The following SPRED1 variants were observed in gnomAD, a reference collection of about 807,000 sequenced individuals.
SPRED1 encodes sprouty-related, EVH1 domain-containing protein 1.
SPRED1 carries 18 observed loss-of-function variants against 52.3 expected under a neutral mutation model. That is an observed-to-expected ratio of 0.34 (90% CI 0.24 to 0.51). The LOEUF (loss-of-function observed/expected upper bound fraction) is 0.51. SPRED1 is among the 20% of genes least tolerant of loss of function. SPRED1 has a pLI of 0.97. For missense variants in SPRED1, 485 were observed against 551.0 expected (o/e 0.88, Z 1.20); for synonymous variants, 155 against 179.7 (o/e 0.86, Z 1.10).
chr15:38,342,151 C>T (rs1896044979), intron 5 of SPRED1, among the ~76,000 whole-genome samples: 2 of 149,630 alleles, frequency 1.3e-5, no homozygotes, highest in South Asian at 4.2e-4. Context: ...GCCCCATTTG[C>T]TGTGTTTTTT....
chr15:38,350,973 A>G (rs2141015938), intron 6 of SPRED1, 41 bp from the exon 7 acceptor site: 5 of 1,587,176 alleles, frequency 3.2e-6, no homozygotes, highest in Middle Eastern at 1.7e-4. Context: ...AAAATTAACC[A>G]TCATAGCCCT....
At chr15:38,254,758 TA>T in intron 1 of SPRED1, among the ~76,000 whole-genome samples, 1 of 152,324 alleles carries the variant, frequency 6.6e-6, no homozygotes, top group East Asian at 1.9e-4. Context: ...CCTCCATTCA[TA>T]AAATACCTGG....
chr15:38,284,813 C>A, intron 1 of SPRED1, among the ~76,000 whole-genome samples: 1 of 150,596 alleles, frequency 6.6e-6, no homozygotes, highest in East Asian at 1.9e-4. Flanking sequence ...GGGCTCCACT[C>A]CTGTGGTTTT....
intron 1 of SPRED1, among the ~76,000 whole-genome samples, chr15:38,294,901 C>T (rs934313287): frequency 6.6e-6 from 1 of 152,180 alleles, no homozygotes; most frequent in Non-Finnish European, 1.5e-5. Context: ...CATTTGATTA[C>T]AATTTTGGGG....
At chr15:38,258,276 T>TAC (rs1278609372) in intron 1 of SPRED1, among the ~76,000 whole-genome samples, 8 of 152,220 alleles carry the variant, frequency 5.3e-5, no homozygotes, top group African/African-American at 9.6e-5. Context: ...TTTATATATA[T>TAC]ACATGTGTTT....
intron 2 of SPRED1, among the ~76,000 whole-genome samples, chr15:38,316,685 A>G (rs1276318427): frequency 6.7e-6 from 1 of 149,368 alleles, no homozygotes; most frequent in African/African-American, 2.5e-5. Context: ...TGCAATCAGT[A>G]TAAACATTTA....
intron 1 of SPRED1, among the ~76,000 whole-genome samples, chr15:38,286,810 GT>G (rs1156981315): frequency 6.6e-6 from 1 of 152,042 alleles, no homozygotes; most frequent in Non-Finnish European, 1.5e-5. Context: ...TTGATTGCCA[GT>G]TTAGTCCCCT....
At chr15:38,279,216 A>C (rs1464185493) in intron 1 of SPRED1, among the ~76,000 whole-genome samples, 2 of 152,196 alleles carry the variant, frequency 1.3e-5, no homozygotes, top group African/African-American at 2.4e-5. Context: ...ACTATGGTAC[A>C]CCCACGATAT....
At position 38,343,492 on chromosome 15, in the gene SPRED1, G is replaced by A. The variant is rs1357037339; in HGVS notation, c.582+3597G>A. On this transcript the variant is annotated intron_variant, in intron 5 of 6. Coordinates refer to ENST00000299084, the MANE Select transcript of SPRED1 (RefSeq NM_152594.3). ...AAGGTGGAAGTGAAGTTTAGGTAGA[G>A]TTACAGATTTGCTATTGAGACAGAA... Among the ~76,000 whole-genome samples, 3 of 152,144 alleles carry A rather than the reference G, an allele frequency of 2.0e-5. No individual in the cohort carries two copies. The East Asian group carries it at 5.8e-4, about 29-fold the overall frequency.
chr15:38,262,122 T>A (rs1894218002), intron 1 of SPRED1, among the ~76,000 whole-genome samples: 1 of 152,104 alleles, frequency 6.6e-6, no homozygotes, highest in South Asian at 2.1e-4. Context: ...GTTGCTGGAT[T>A]ATATATATTG....
In SPRED1 at chr15:38,339,648, T is replaced by C; in HGVS notation, c.424-89T>C. On this transcript the variant is annotated intron_variant, in intron 4 of 6. Transcript: ENST00000299084. ...TAGCGATATATACTTATTGACTTGC[T>C]AAATACTTTTTAGAGTGAAAGTATC... The C allele has an allele frequency of 6.5e-6, 9 of 1,389,858 alleles. No individual in the cohort carries two copies. In the South Asian group the frequency reaches 1.0e-4, roughly 16 times the overall value. The allele number at this position is 1,389,858 out of a possible 1,614,324, so 86.1% of individuals were successfully genotyped here. A position where few individuals can be genotyped will look rare whatever the true frequency, so the allele number is the denominator to read the frequency against.
intron 1 of SPRED1, among the ~76,000 whole-genome samples, chr15:38,286,678 T>C (rs749401429): frequency 2.0e-4 from 31 of 152,306 alleles, no homozygotes; most frequent in Non-Finnish European, 4.0e-4. Context: ...ATTGAGCCTT[T>C]ACAGTATTGA....
intron 2 of SPRED1, among the ~76,000 whole-genome samples, chr15:38,301,097 G>GA (rs1895141591): frequency 6.6e-6 from 1 of 152,086 alleles, no homozygotes; most frequent in South Asian, 2.1e-4. Flanking sequence ...ATGTGAAATA[G>GA]AAAAAACTCA....
At chr15:38,310,157 G>GTGTGTGTGTGTGTGTGTGT in intron 2 of SPRED1, among the ~76,000 whole-genome samples, 1 of 142,518 alleles carries the variant, frequency 7.0e-6, no homozygotes, top group Non-Finnish European at 1.6e-5. Context: ...GTGTGTGTTT[G>GTGTGTGTGTGTGTGTGTGT]GAGACGAAGT....
intron 6 of SPRED1, 52 bp downstream of exon 6, chr15:38,349,575 A>AAATTAGT (rs67551443): frequency 9.4e-7 from 1 of 1,061,360 alleles, no homozygotes; most frequent in Non-Finnish European, 1.3e-6. Flanking sequence ...ATTAATAGAT[A>AAATTAGT]GGTAAAGTTT....
chr15:38,291,835 G>A (rs1272330028), intron 1 of SPRED1, among the ~76,000 whole-genome samples: 4 of 152,198 alleles, frequency 2.6e-5, no homozygotes, highest in African/African-American at 9.7e-5. Flanking sequence ...TGTGATGGGA[G>A]GGGCTGCTCT....
chr15:38,343,753 A>G (rs554393344), intron 5 of SPRED1, among the ~76,000 whole-genome samples: 2 of 152,264 alleles, frequency 1.3e-5, no homozygotes, highest in South Asian at 4.1e-4. Context: ...TTCACTAATC[A>G]TTATTATTAA....
intron 2 of SPRED1, among the ~76,000 whole-genome samples, chr15:38,308,196 A>T (rs986574074): frequency 6.6e-6 from 1 of 152,156 alleles, no homozygotes; most frequent in East Asian, 1.9e-4. Flanking sequence ...TTTAAATTGA[A>T]ATTTTTGTTG....
chr15:38,278,406 C>T (rs1595721201), intron 1 of SPRED1, among the ~76,000 whole-genome samples: 1 of 152,134 alleles, frequency 6.6e-6, no homozygotes, highest in Non-Finnish European at 1.5e-5. Flanking sequence ...TTGCTTGATC[C>T]TGGGAGCTGG....
Sources: gnomAD v4.1 joint callset for allele counts (sites outside exome capture counted in the v4.1 genomes callset) on GRCh38, gnomAD v4.1.1 for gene constraint, MANE v1.5 for transcripts, NCBI Gene and HGNC (gene_info 2026-07-23, HGNC 2026-07-21) for gene names.